The following FAM184A variants were observed in gnomAD, a reference collection of about 807,000 sequenced individuals.
FAM184A encodes the protein family with sequence similarity 184 member A.
FAM184A carries 99 observed loss-of-function variants against 143.8 expected under a neutral mutation model. That is an observed-to-expected ratio of 0.69 (90% CI 0.58 to 0.81). The LOEUF is 0.81. Among genes scored for constraint, FAM184A ranks in the 40% least tolerant of loss-of-function variants. The pLI is 0.00. For missense variants in FAM184A, 1,217 were observed against 1,310.5 expected, an observed-to-expected ratio of 0.93 and a Z score of 1.10; for synonymous variants, 427 against 446.4, an observed-to-expected ratio of 0.96 and a Z score of 0.55.
intron 1 of FAM184A, among the ~76,000 whole-genome samples, chr6:119,084,736 C>T (rs1323911829): frequency 6.6e-6 from 1 of 152,258 alleles, no homozygotes; most frequent in African/African-American, 2.4e-5. Flanking sequence ...TCTGCCTCTG[C>T]AGCAGGCTTC....
chr6:119,072,245 T>C (rs903692647), intron 1 of FAM184A, among the ~76,000 whole-genome samples: 1 of 152,218 alleles, frequency 6.6e-6, no homozygotes, highest in Non-Finnish European at 1.5e-5. Flanking sequence ...AACAGGATAC[T>C]ATGCTTTTGT....
intron 14 of FAM184A, among the ~76,000 whole-genome samples, chr6:118,972,128 A>G (rs1030335747): frequency 1.3e-5 from 2 of 152,218 alleles, no homozygotes; most frequent in Non-Finnish European, 2.9e-5. Flanking sequence ...AATCCAAACC[A>G]TTCAGCAGAT....
At chr6:119,027,728 G>T (rs937519561) in intron 1 of FAM184A, among the ~76,000 whole-genome samples, 2 of 152,158 alleles carry the variant, frequency 1.3e-5, no homozygotes, top group Non-Finnish European at 2.9e-5. Flanking sequence ...ACATCCTTGA[G>T]TTGTCTTTTA....
chr6:119,113,884 G>A (rs185223988), intron 1 of FAM184A, among the ~76,000 whole-genome samples: 130 of 152,300 alleles, frequency 8.5e-4, no homozygotes, highest in African/African-American at 3.1e-3. Flanking sequence ...AGAGGTTGCG[G>A]TGAGCCGAGA....
At chr6:119,034,035 T>TAA (rs1454004344) in intron 1 of FAM184A, among the ~76,000 whole-genome samples, 1,105 of 34,234 alleles carry the variant, frequency 0.032, 17 homozygotes, top group South Asian at 0.063. Flanking sequence ...TATATATATA[T>TAA]ATATATAGAG....
At chr6:119,111,941 T>C (rs1477583680) in intron 1 of FAM184A, among the ~76,000 whole-genome samples, 1 of 152,224 alleles carries the variant, frequency 6.6e-6, no homozygotes. Context: ...ATTGTTTTCA[T>C]GGTCTTCTGG....
At chr6:119,072,950 C>G (rs1013054323) in intron 1 of FAM184A, among the ~76,000 whole-genome samples, 1 of 151,908 alleles carries the variant, frequency 6.6e-6, no homozygotes, top group African/African-American at 2.4e-5. Context: ...TCATTATGAC[C>G]ACCATCTTCT....
At chr6:119,147,069 T>G (rs1772466300) in intron 1 of FAM184A, among the ~76,000 whole-genome samples, 1 of 123,858 alleles carries the variant, frequency 8.1e-6, no homozygotes, top group Non-Finnish European at 1.8e-5. Flanking sequence ...GCTCTGTTTT[T>G]TTTTTTTTTG....
At chr6:119,129,238 C>T (rs920154211) in intron 1 of FAM184A, among the ~76,000 whole-genome samples, 32 of 152,330 alleles carry the variant, frequency 2.1e-4, no homozygotes, top group African/African-American at 7.5e-4. Context: ...TGTAACCCAA[C>T]CACTTTGAGC....
intron 12 of FAM184A, among the ~76,000 whole-genome samples, chr6:118,975,614 AG>A (rs1251024234): frequency 3.9e-5 from 6 of 152,224 alleles, no homozygotes; most frequent in African/African-American, 1.4e-4. Context: ...AGTGCATCTA[AG>A]GAGGCCCTCC....
chr6:119,077,940 G>T (rs765167204), intron 1 of FAM184A, among the ~76,000 whole-genome samples: 21 of 152,386 alleles, frequency 1.4e-4, no homozygotes, highest in Middle Eastern at 3.4e-3. Context: ...GCACCGTGCC[G>T]CTGTGCTGTC....
intron 1 of FAM184A, among the ~76,000 whole-genome samples, chr6:119,126,260 C>T (rs1300016755): frequency 6.6e-6 from 1 of 152,180 alleles, no homozygotes; most frequent in East Asian, 1.9e-4. Flanking sequence ...AATGGAGAAT[C>T]TCCTTTGCAT....
At chr6:118,963,497 A>G (rs1313988790) in intron 16 of FAM184A, 2 of 152,146 alleles carry the variant, frequency 1.3e-5, no homozygotes, top group Non-Finnish European at 2.9e-5. Context: ...GCTACATGCC[A>G]CTACAGTCAT....
upstream of FAM184A, among the ~76,000 whole-genome samples, chr6:119,079,944 C>G (rs546745761): frequency 6.6e-6 from 1 of 152,268 alleles, no homozygotes; most frequent in South Asian, 2.1e-4. Context: ...TTCCGAGGTT[C>G]TGAATGGAGC....
chr6:119,026,795 A>C (rs1277041194), intron 1 of FAM184A, among the ~76,000 whole-genome samples: 2 of 152,214 alleles, frequency 1.3e-5, no homozygotes, highest in African/African-American at 4.8e-5. Flanking sequence ...CAAGCCCTGA[A>C]GAAAATCAAA....
At chr6:118,977,949 A>G (rs1409039436) in intron 11 of FAM184A, among the ~76,000 whole-genome samples, 1 of 152,158 alleles carries the variant, frequency 6.6e-6, no homozygotes, top group Admixed American at 6.5e-5. Context: ...GTCAACAAAG[A>G]CATATTTTAT....
At chr6:119,002,783 A>T in intron 9 of FAM184A, 116 bp downstream of exon 9, 1 of 919,384 alleles carries the variant, frequency 1.1e-6, no homozygotes, top group Non-Finnish European at 1.6e-6. Context: ...TAGAAGTTTT[A>T]AGTTTGTCCC....
chr6:119,034,869 G>A lies in FAM184A; in HGVS notation c.160-10056C>T, dbSNP rs573277163. On this transcript the variant is annotated intron_variant, in intron 1 of 17. Coordinates refer to ENST00000338891, the MANE Select transcript of FAM184A (RefSeq NM_024581.6). ...CTAGTGTTCTTCTTCTGTAATGTCC[G>A]ACTCAGTATTAAGAGATAAGAAAAA... Among the ~76,000 whole-genome samples the A allele has an allele frequency of 1.5e-4, 23 of 152,064 alleles. No individual in the cohort carries two copies. The South Asian group carries it at 4.2e-3, about 28-fold the overall frequency.
chr6:119,074,356 A>G (rs1787796907), intron 1 of FAM184A, among the ~76,000 whole-genome samples: 1 of 152,190 alleles, frequency 6.6e-6, no homozygotes, highest in Non-Finnish European at 1.5e-5. Context: ...CAAGAGACAG[A>G]GCAAGAGACC....
Sources: gnomAD v4.1 joint callset for allele counts (sites outside exome capture counted in the v4.1 genomes callset) on GRCh38, gnomAD v4.1.1 for gene constraint, MANE v1.5 for transcripts, NCBI Gene and HGNC (gene_info 2026-07-23, HGNC 2026-07-21) for gene names.